The following CADM2 variants were observed in gnomAD, a reference collection of about 807,000 sequenced individuals.
CADM2 encodes immunoglobulin superfamily member 4D.
Under a neutral mutation model 49.8 loss-of-function variants are expected in CADM2, and 12 were observed. The observed-to-expected ratio is 0.24, with a 90% confidence interval of 0.15 to 0.39. The LOEUF (loss-of-function observed/expected upper bound fraction) is 0.39, where lower values mean the gene tolerates loss of function less well. CADM2 is among the 10% of genes least tolerant of loss of function. CADM2 has a pLI of 1.00. For synonymous variants in CADM2, 214 were observed against 175.4 expected (o/e 1.22, Z -1.74); for missense variants, 378 against 492.3 (o/e 0.77, Z 2.20).
At chr3:85,239,254 T>A (rs1433244245) in intron 1 of CADM2, among the ~76,000 whole-genome samples, 1 of 151,862 alleles carries the variant, frequency 6.6e-6, no homozygotes, top group African/African-American at 2.4e-5. Flanking sequence ...TGCTTCACAC[T>A]TATATGCCGA....
At chr3:85,743,727 G>T (rs2068491492) in intron 2 of CADM2, among the ~76,000 whole-genome samples, 1 of 152,060 alleles carries the variant, frequency 6.6e-6, no homozygotes, top group Non-Finnish European at 1.5e-5. Context: ...GCGCAAAGAG[G>T]CAGCTTTCAA....
chr3:85,792,301 A>G (rs1243881336), intron 2 of CADM2, among the ~76,000 whole-genome samples: 1 of 152,186 alleles, frequency 6.6e-6, no homozygotes, highest in African/African-American at 2.4e-5. Context: ...GAAGGGTCAA[A>G]ATACTTGATA....
chr3:85,478,850 T>A (rs1433326418), intron 1 of CADM2, among the ~76,000 whole-genome samples: 1 of 151,950 alleles, frequency 6.6e-6, no homozygotes, highest in Admixed American at 6.6e-5. Flanking sequence ...ATGAAACACT[T>A]CCAATGTGGC....
chr3:85,966,827 T>C (rs1725534391), intron 8 of CADM2, among the ~76,000 whole-genome samples: 1 of 151,682 alleles, frequency 6.6e-6, no homozygotes, highest in African/African-American at 2.4e-5. Context: ...GATACTGCTT[T>C]TTATGTTTCC....
chr3:85,854,090 TTA>T, intron 3 of CADM2, among the ~76,000 whole-genome samples: 1 of 152,266 alleles, frequency 6.6e-6, no homozygotes, highest in East Asian at 1.9e-4. Context: ...TGATGTTATT[TTA>T]TAGATAAACT....
chr3:85,341,642 A>C (rs1020130605), intron 1 of CADM2, among the ~76,000 whole-genome samples: 2 of 152,056 alleles, frequency 1.3e-5, no homozygotes, highest in Non-Finnish European at 2.9e-5. Context: ...ACCATGGCAC[A>C]GGTATACCTA....
At chr3:85,083,742 G>T (rs962482656) in intron 1 of CADM2, among the ~76,000 whole-genome samples, 16 of 151,852 alleles carry the variant, frequency 1.1e-4, no homozygotes, top group Admixed American at 1.1e-3. Context: ...TTTGTCTTTT[G>T]TCTTTCTTTA....
chr3:85,812,390 A>G (rs1450087831), intron 3 of CADM2, among the ~76,000 whole-genome samples: 3 of 152,136 alleles, frequency 2.0e-5, no homozygotes, highest in African/African-American at 7.2e-5. Flanking sequence ...TTTGTCAAAT[A>G]TAAAGAGTAA....
At chr3:85,609,882 G>A (rs1214503406) in intron 1 of CADM2, among the ~76,000 whole-genome samples, 2 of 152,078 alleles carry the variant, frequency 1.3e-5, no homozygotes, top group East Asian at 3.9e-4. Context: ...AAAAGAATAG[G>A]TGCAGTAATC....
chr3:85,450,363 A>G (rs1334895447), intron 1 of CADM2, among the ~76,000 whole-genome samples: 2 of 152,154 alleles, frequency 1.3e-5, no homozygotes, highest in Non-Finnish European at 2.9e-5. Context: ...TATTGCATAT[A>G]AATATGTACA....
At chr3:85,809,751 C>T (rs1577363189) in intron 3 of CADM2, among the ~76,000 whole-genome samples, 2 of 73,884 alleles carry the variant, frequency 2.7e-5, no homozygotes, top group South Asian at 6.2e-4. Context: ...CTCCTCTCTC[C>T]CTCCCTCCCT....
At chr3:85,939,682 C>G (rs1721618009) in intron 7 of CADM2, among the ~76,000 whole-genome samples, 1 of 151,292 alleles carries the variant, frequency 6.6e-6, no homozygotes, top group Non-Finnish European at 1.5e-5. Context: ...GGCATCTATT[C>G]TGTAAAAGAA....
intron 1 of CADM2, among the ~76,000 whole-genome samples, chr3:85,272,774 C>A (rs1038762707): frequency 1.3e-5 from 2 of 151,198 alleles, no homozygotes; most frequent in East Asian, 1.9e-4. Context: ...GCTTATTCGT[C>A]CATTCAGTCA....
In CADM2 at chr3:85,309,318, A is replaced by T. The variant is rs182167774; in HGVS notation, c.61+349650A>T. On this transcript the variant is annotated intron_variant, in intron 1 of 9. Transcript: ENST00000383699. ...GAGACAACTTTTCCACTTATAATTT[A>T]ACATAAGCTAGGGTAAAGTAGTGCC... Among the ~76,000 whole-genome samples the T allele has an allele frequency of 1.8e-3, 273 of 152,280 alleles. 1 individual carries two copies. Among genetic ancestry groups the T allele is most frequent in the African/African-American group, 6.3e-3 (262 of 41,560 alleles).
rs546465391 is a variant in CADM2, at chr3:85,413,240, A to G, written c.62-313282A>G. 8.6e-5 allele frequency among the ~76,000 whole-genome samples: 13 copies of G among 151,486 alleles called. No homozygotes were observed. The South Asian group carries it at 2.7e-3, about 31-fold the overall frequency. On this transcript the variant is annotated intron_variant, in intron 1 of 9. Transcript: ENST00000383699. Reference sequence around the variant, plus strand: ...TTTTCTTCACAGTTTATTAACAATAACAATTCACTTTTTTCAGTACACATA... The same window carrying G: ...TTTTCTTCACAGTTTATTAACAATAGCAATTCACTTTTTTCAGTACACATA...
At chr3:85,200,340 A>G (rs1028692443) in intron 1 of CADM2, among the ~76,000 whole-genome samples, 1 of 152,038 alleles carries the variant, frequency 6.6e-6, no homozygotes, top group Non-Finnish European at 1.5e-5. Flanking sequence ...GTTTCCACTC[A>G]TTCGGTGAGA....
At chr3:85,369,658 G>A (rs940262466) in intron 1 of CADM2, among the ~76,000 whole-genome samples, 2 of 152,160 alleles carry the variant, frequency 1.3e-5, no homozygotes, top group African/African-American at 4.8e-5. Context: ...GGTAGATCTT[G>A]TGAAAATGTA....
At chr3:85,262,461 A>G (rs1008704154) in intron 1 of CADM2, among the ~76,000 whole-genome samples, 6 of 152,106 alleles carry the variant, frequency 3.9e-5, no homozygotes, top group African/African-American at 1.4e-4. Flanking sequence ...CCAGTTTTTT[A>G]TTTAATAAGG....
At chr3:85,246,964 A>G (rs2042662833) in intron 1 of CADM2, among the ~76,000 whole-genome samples, 1 of 151,548 alleles carries the variant, frequency 6.6e-6, no homozygotes, top group Admixed American at 6.6e-5. Context: ...TACTTATATA[A>G]TTTAACTTAC....
Sources: allele counts gnomAD v4.1 joint callset (sites outside exome capture counted in the v4.1 genomes callset), GRCh38; gene constraint gnomAD v4.1.1; transcripts MANE v1.5; gene names NCBI Gene and HGNC (gene_info 2026-07-23, HGNC 2026-07-21).